The following ZMYND8 variants were observed in gnomAD, a reference collection of about 807,000 sequenced individuals.
ZMYND8 encodes the protein MYND-type zinc finger-containing chromatin reader ZMYND8.
ZMYND8 carries 37 observed loss-of-function variants against 140.8 expected under a neutral mutation model. That is an observed-to-expected ratio of 0.26 (90% confidence interval 0.20 to 0.35). The LOEUF (loss-of-function observed/expected upper bound fraction) is 0.35, where lower values mean the gene tolerates loss of function less well. Ranked by LOEUF, ZMYND8 falls within the 10% of genes least tolerant of loss-of-function variation. The pLI, the probability that ZMYND8 is intolerant of heterozygous loss-of-function variation, is 1.00. For synonymous variants in ZMYND8, 592 were observed against 597.1 expected, an observed-to-expected ratio of 0.99 and a Z score of 0.12; for missense variants, 1,068 against 1,570.0, an observed-to-expected ratio of 0.68 and a Z score of 5.40.
intron 2 of ZMYND8, chr20:47,318,451 C>G (rs2148320953): frequency 3.0e-6 from 1 of 337,704 alleles, no homozygotes; most frequent in Middle Eastern, 9.8e-4. Flanking sequence ...CCCTCCCCAA[C>G]CAGTAATTAC....
In ZMYND8 at chr20:47,238,858, C is replaced by A; in HGVS notation, c.2565G>T (p.Gln855His). 1.9e-6 allele frequency: 3 copies of A among 1,613,522 alleles called. No homozygotes were observed. The highest frequency in any genetic ancestry group is 1.7e-6 in the Non-Finnish European group (2 of 1,180,044). ...GCTGCTGCTGCTGACGCTGCATCTT[C>A]TGCATGTGCCACTTTTGGGAGGACG... ...FQTSSQKWHM[Q>H]KMQRQQQQQQ... Residue 855 changes from glutamine to histidine, a missense_variant, in exon 15 of 23, where the codon CAG (glutamine) becomes CAT (histidine). Transcript: ENST00000471951.
At chr20:47,224,052 A>G (rs986903179) in intron 19 of ZMYND8, among the ~76,000 whole-genome samples, 3 of 152,226 alleles carry the variant, frequency 2.0e-5, no homozygotes, top group Non-Finnish European at 4.4e-5. Context: ...CAGTGTCTCA[A>G]CTTCAGTACT....
intron 2 of ZMYND8, among the ~76,000 whole-genome samples, chr20:47,336,895 T>C (rs1051156126): frequency 6.6e-6 from 1 of 152,136 alleles, no homozygotes; most frequent in Admixed American, 6.5e-5. Context: ...AAAGCTCCCC[T>C]TCCCCCTGCA....
intron 3 of ZMYND8, among the ~76,000 whole-genome samples, chr20:47,305,597 G>C (rs2078420750): frequency 6.6e-6 from 1 of 150,852 alleles, no homozygotes; most frequent in Non-Finnish European, 1.5e-5. Flanking sequence ...AAGACTTCAA[G>C]TGTCCCAGTT....
At chr20:47,239,223 G>A in intron 14 of ZMYND8, 85 bp from the exon 15 acceptor site, 2 of 1,429,676 alleles carry the variant, frequency 1.4e-6, no homozygotes, top group Non-Finnish European at 1.8e-6. Context: ...CAAGTTCTGG[G>A]TAAAACCTAT....
intron 10 of ZMYND8, among the ~76,000 whole-genome samples, chr20:47,278,027 C>CAG (rs1306941123): frequency 6.6e-6 from 1 of 152,002 alleles, no homozygotes; most frequent in Non-Finnish European, 1.5e-5. Context: ...AGCCAGAGAG[C>CAG]AGAAGTATGA....
Position 47,287,277 on chromosome 20 carries a change from G to A in ZMYND8, c.756C>T (p.His252=), listed in dbSNP as rs145598379. The change falls in exon 8 of 23, where the codon CAC becomes CAT. Residue 252 remains histidine, a synonymous_variant. Coordinates refer to ENST00000471951, the MANE Select transcript of ZMYND8 (RefSeq NM_001281775.3). ...HNCIIYNGGN[H]KLTQIAKVVI... Reference sequence around the variant, plus strand: ...CTACTTTCGCTATTTGCGTCAATTTGTGATTTCCTAAGGGAATAAGAAAAC... The same window carrying A: ...CTACTTTCGCTATTTGCGTCAATTTATGATTTCCTAAGGGAATAAGAAAAC... 6.2e-7 allele frequency: 1 copy of A among 1,613,452 alleles called. No individual in the cohort carries two copies. Among genetic ancestry groups the A allele is most frequent in the East Asian group, 2.2e-5 (1 of 44,876 alleles).
At chr20:47,257,753 A>T (rs2074858961) in intron 12 of ZMYND8, among the ~76,000 whole-genome samples, 1 of 152,232 alleles carries the variant, frequency 6.6e-6, no homozygotes, top group South Asian at 2.1e-4. Context: ...ATAGTGTAAC[A>T]GTATAATATA....
rs372929813 is a variant in ZMYND8, at chr20:47,346,752, G to A, written c.85+1104C>T. Among the ~76,000 whole-genome samples, 4 of 152,230 alleles carry A rather than the reference G, an allele frequency of 2.6e-5. No individual in the cohort carries two copies. In the East Asian group the frequency reaches 7.7e-4, roughly 29 times the overall value. ...CTCCTAAGTAGCTAGGATTACAGGC[G>A]CGTGCCACCATGCCCGACTAATTTT... On this transcript the variant is annotated intron_variant, in intron 2 of 22. Coordinates refer to ENST00000471951, the MANE Select transcript of ZMYND8 (RefSeq NM_001281775.3).
intron 22 of ZMYND8, among the ~76,000 whole-genome samples, chr20:47,211,725 G>A (rs961074961): frequency 1.3e-5 from 2 of 152,212 alleles, no homozygotes; most frequent in African/African-American, 2.4e-5. Context: ...AGTTCAGACA[G>A]ACTGGGACAG....
intron 14 of ZMYND8, among the ~76,000 whole-genome samples, chr20:47,242,380 C>T (rs182194083): frequency 7.9e-5 from 12 of 152,294 alleles, no homozygotes; most frequent in Admixed American, 3.9e-4. Context: ...CAGTGAAGAA[C>T]TCCGATGCTT....
intron 17 of ZMYND8, among the ~76,000 whole-genome samples, 171 bp downstream of exon 17, chr20:47,229,555 G>A (rs11086201): frequency 0.028 from 4,298 of 152,196 alleles, 203 homozygotes; most frequent in East Asian, 0.17. Context: ...AGCCCCAGCC[G>A]TCTGGCTAAA....
At chr20:47,325,037 T>C (rs866371351) in intron 2 of ZMYND8, among the ~76,000 whole-genome samples, 2 of 152,182 alleles carry the variant, frequency 1.3e-5, no homozygotes, top group Non-Finnish European at 2.9e-5. Flanking sequence ...CTCGAGTAGC[T>C]GGGACTACAG....
chr20:47,246,732 G>A (rs756277374), intron 13 of ZMYND8, among the ~76,000 whole-genome samples: 21 of 152,176 alleles, frequency 1.4e-4, no homozygotes, highest in African/African-American at 5.1e-4. Flanking sequence ...TGGTTGTTAG[G>A]AGACACAGGA....
At chr20:47,344,733 G>T (rs1345400971) in intron 2 of ZMYND8, among the ~76,000 whole-genome samples, 1 of 152,186 alleles carries the variant, frequency 6.6e-6, no homozygotes, top group Non-Finnish European at 1.5e-5. Context: ...GGAGCCAGGG[G>T]CTAACATGGG....
At chr20:47,318,951 C>G (rs755576971) in intron 2 of ZMYND8, 1 of 1,351,080 alleles carries the variant, frequency 7.4e-7, no homozygotes, top group South Asian at 1.1e-5. Flanking sequence ...AGGCACTTAC[C>G]TGCCATTGAG....
intron 2 of ZMYND8, among the ~76,000 whole-genome samples, chr20:47,310,944 A>G (rs1294169838): frequency 1.3e-5 from 2 of 152,160 alleles, no homozygotes; most frequent in Non-Finnish European, 2.9e-5. Context: ...ACCTGCCAAC[A>G]GTCATCACAC....
intron 13 of ZMYND8, among the ~76,000 whole-genome samples, chr20:47,248,546 TTTAC>T (rs2073914298): frequency 6.6e-6 from 1 of 152,210 alleles, no homozygotes; most frequent in Non-Finnish European, 1.5e-5. Context: ...CCCTCCTAGC[TTTAC>T]TTACTTATTC....
At chr20:47,353,870 C>T (rs1260079419) in intron 1 of ZMYND8, 1 of 152,104 alleles carries the variant, frequency 6.6e-6, no homozygotes, top group Non-Finnish European at 1.5e-5. Context: ...TTCTGCTTGG[C>T]AGATCTGCTT....
Sources: gnomAD v4.1 joint callset for allele counts (sites outside exome capture counted in the v4.1 genomes callset) on GRCh38, gnomAD v4.1.1 for gene constraint, MANE v1.5 for transcripts, NCBI Gene and HGNC (gene_info 2026-07-23, HGNC 2026-07-21) for gene names.